SH3RF3: variants seen among roughly 807,000 people sequenced by gnomAD.
SH3RF3 encodes SH3 domain containing ring finger 3, also known as E3 ubiquitin-protein ligase SH3RF3.
In SH3RF3, 29 loss-of-function variants were observed where a neutral mutation model predicts 66.3. That is an observed-to-expected ratio of 0.44 (90% confidence interval 0.33 to 0.60). SH3RF3 has a LOEUF of 0.60. Among genes scored for constraint, SH3RF3 ranks in the 20% least tolerant of loss-of-function variants. The pLI is 0.04. For synonymous variants in SH3RF3, 583 were observed against 532.0 expected (o/e 1.10, Z -1.32); for missense variants, 1,194 against 1,190.9 (o/e 1.00, Z -0.04).
intron 4 of SH3RF3, among the ~76,000 whole-genome samples, chr2:109,404,727 G>A (rs1266045118): frequency 2.0e-5 from 3 of 152,022 alleles, no homozygotes; most frequent in African/African-American, 7.3e-5. Flanking sequence ...TTCTCTCATT[G>A]ACCTACTGCT....
intron 4 of SH3RF3, among the ~76,000 whole-genome samples, chr2:109,399,805 G>A (rs1198778444): frequency 2.0e-5 from 3 of 152,124 alleles, no homozygotes; most frequent in Non-Finnish European, 4.4e-5. Flanking sequence ...CCCAGTGCCC[G>A]GCAGGGTGAC....
At chr2:109,305,689 G>A (rs1380746416) in intron 1 of SH3RF3, among the ~76,000 whole-genome samples, 1 of 152,218 alleles carries the variant, frequency 6.6e-6, no homozygotes, top group East Asian at 1.9e-4. Flanking sequence ...GCCTGTCACT[G>A]TACACTCCTT....
At chr2:109,412,473 G>A (rs896182071) in intron 4 of SH3RF3, among the ~76,000 whole-genome samples, 2 of 152,234 alleles carry the variant, frequency 1.3e-5, no homozygotes, top group African/African-American at 4.8e-5. Context: ...GGTAACAACA[G>A]CAGGACCAGT....
intron 1 of SH3RF3, among the ~76,000 whole-genome samples, chr2:109,249,976 G>A (rs983460777): frequency 7.9e-5 from 12 of 151,600 alleles, no homozygotes; most frequent in African/African-American, 2.7e-4. Flanking sequence ...GAGCCACCGC[G>A]CCCGGCCTGC....
intron 8 of SH3RF3, among the ~76,000 whole-genome samples, chr2:109,487,334 C>T (rs963729116): frequency 1.4e-4 from 22 of 152,178 alleles, no homozygotes; most frequent in African/African-American, 4.6e-4. Flanking sequence ...TCACACGGGA[C>T]GACCACCAGG....
chr2:109,410,548 G>A (rs1676560788), intron 4 of SH3RF3, among the ~76,000 whole-genome samples: 2 of 152,206 alleles, frequency 1.3e-5, no homozygotes, highest in Admixed American at 1.3e-4. Context: ...TTGCACTACT[G>A]GGCTCATGTG....
chr2:109,185,637 G>T (rs1212146609), intron 1 of SH3RF3, among the ~76,000 whole-genome samples: 1 of 152,144 alleles, frequency 6.6e-6, no homozygotes, highest in African/African-American at 2.4e-5. Context: ...CCCTGGACAG[G>T]ACAGCCCTCA....
chr2:109,198,373 C>CAT (rs10661873), intron 1 of SH3RF3, among the ~76,000 whole-genome samples: 123,640 of 151,944 alleles, frequency 0.81, 50,458 homozygotes, highest in East Asian at 0.89. Context: ...ACAACTTAAA[C>CAT]AAAACTCAGT....
intron 5 of SH3RF3, among the ~76,000 whole-genome samples, chr2:109,428,592 C>T (rs1677102472): frequency 6.6e-6 from 1 of 152,204 alleles, no homozygotes; most frequent in Admixed American, 6.5e-5. Flanking sequence ...AGCAACCTGC[C>T]CTCAAGAGGC....
intron 1 of SH3RF3, among the ~76,000 whole-genome samples, chr2:109,232,714 A>G (rs1679542402): frequency 6.6e-6 from 1 of 152,196 alleles, no homozygotes; most frequent in African/African-American, 2.4e-5. Context: ...AGGAAGCATC[A>G]TGGTGATGGA....
At chr2:109,315,628 C>T (rs1681860615) in intron 1 of SH3RF3, among the ~76,000 whole-genome samples, 1 of 152,212 alleles carries the variant, frequency 6.6e-6, no homozygotes, top group African/African-American at 2.4e-5. Flanking sequence ...ACGTGTGTGT[C>T]CAGAGAAGAG....
intron 1 of SH3RF3, among the ~76,000 whole-genome samples, chr2:109,297,382 GC>G (rs908671541): frequency 1.3e-5 from 2 of 152,066 alleles, no homozygotes; most frequent in African/African-American, 2.4e-5. Flanking sequence ...GAGAGATTCT[GC>G]CCCCCAGGGG....
chr2:109,357,242 C>T (rs1682964830), intron 2 of SH3RF3, among the ~76,000 whole-genome samples: 1 of 151,646 alleles, frequency 6.6e-6, no homozygotes, highest in Non-Finnish European at 1.5e-5. Context: ...AGTGCAGTGG[C>T]ACGATCTCGG....
chr2:109,288,842 A>G (rs949712583), intron 1 of SH3RF3, among the ~76,000 whole-genome samples: 4 of 151,908 alleles, frequency 2.6e-5, no homozygotes, highest in Admixed American at 2.6e-4. Flanking sequence ...GGAAATCTTT[A>G]TGCCCATGTG....
intron 1 of SH3RF3, among the ~76,000 whole-genome samples, chr2:109,203,812 C>T (rs577260246): frequency 2.5e-5 from 3 of 117,856 alleles, no homozygotes; most frequent in African/African-American, 1.1e-4. Flanking sequence ...ATGCACGCCT[C>T]GACTCTGAAG....
chr2:109,178,057 T>C (rs1677968456), intron 1 of SH3RF3, among the ~76,000 whole-genome samples: 1 of 152,194 alleles, frequency 6.6e-6, no homozygotes. Flanking sequence ...TGCTAAGGTA[T>C]AAGCAAACAA....
At chr2:109,188,416 C>T (rs1432104176) in intron 1 of SH3RF3, among the ~76,000 whole-genome samples, 1 of 152,198 alleles carries the variant, frequency 6.6e-6, no homozygotes, top group East Asian at 1.9e-4. Flanking sequence ...TCTGGGACCC[C>T]ATGGGCCCAG....
chr2:109,441,949 C>G (rs1363128808), intron 7 of SH3RF3, among the ~76,000 whole-genome samples: 3 of 99,546 alleles, frequency 3.0e-5, no homozygotes, highest in Non-Finnish European at 6.9e-5. Flanking sequence ...GCAAAAATAT[C>G]TTTCAAAAAA....
chr2:109,461,035 A>G (rs1678196180), intron 8 of SH3RF3, among the ~76,000 whole-genome samples: 1 of 152,220 alleles, frequency 6.6e-6, no homozygotes, highest in South Asian at 2.1e-4. Context: ...CCAGGAGGCC[A>G]CAGGTGCAGG....
Sources: gnomAD v4.1 joint callset for allele counts (sites outside exome capture counted in the v4.1 genomes callset) on GRCh38, gnomAD v4.1.1 for gene constraint, MANE v1.5 for transcripts, NCBI Gene and HGNC (gene_info 2026-07-23, HGNC 2026-07-21) for gene names.